The following CATSPERT variants were observed in gnomAD, a reference collection of about 807,000 sequenced individuals.
CATSPERT encodes the protein catsper channel auxiliary subunit tau.
chr2:201,618,565 G>A, the CATSPERT span, among the ~76,000 whole-genome samples: 4 of 137,612 alleles, frequency 2.9e-5, no homozygotes, highest in Non-Finnish European at 6.3e-5. Flanking sequence ...GTCGTGGGTT[G>A]GGGGGAGGGA....
chr2:201,497,242 T>C, the CATSPERT span, among the ~76,000 whole-genome samples: 1 of 152,232 alleles, frequency 6.6e-6, no homozygotes, highest in Non-Finnish European at 1.5e-5. Context: ...ACCAACTCTA[T>C]ATTGTCTCTG....
chr2:201,487,509 T>C, the CATSPERT span: 1 of 1,114,710 alleles, frequency 9.0e-7, no homozygotes, highest in African/African-American at 1.6e-5. Flanking sequence ...AGAAGAGATC[T>C]CCAAACCATT....
At chr2:201,618,902 TCAG>T in the CATSPERT span, 2 of 1,613,520 alleles carry the variant, frequency 1.2e-6, no homozygotes, top group Non-Finnish European at 1.7e-6. Flanking sequence ...TCACTCACGT[TCAG>T]CAGCCGGTGC....
At chr2:201,609,833 C>A in the CATSPERT span, among the ~76,000 whole-genome samples, 16 of 152,026 alleles carry the variant, frequency 1.1e-4, no homozygotes, top group South Asian at 2.9e-3. Flanking sequence ...AAAGAAATAA[C>A]AAAGATCAGA....
the CATSPERT span, among the ~76,000 whole-genome samples, chr2:201,609,630 T>C: frequency 6.6e-6 from 1 of 152,292 alleles, no homozygotes; most frequent in African/African-American, 2.4e-5. Flanking sequence ...ATTAAAAAAT[T>C]TCTTGAAACT....
chr2:201,577,106 T>A, the CATSPERT span, among the ~76,000 whole-genome samples: 3 of 152,214 alleles, frequency 2.0e-5, no homozygotes, highest in Admixed American at 2.0e-4. Flanking sequence ...CTTTGTTTCA[T>A]GCACAAAATT....
the CATSPERT span, among the ~76,000 whole-genome samples, chr2:201,581,587 T>C: frequency 0.22 from 15,977 of 74,010 alleles, 4,221 homozygotes; most frequent in East Asian, 0.59. Flanking sequence ...TATATATATA[T>C]ATATATACAC....
the CATSPERT span, among the ~76,000 whole-genome samples, chr2:201,529,863 G>A: frequency 9.9e-5 from 15 of 152,070 alleles, no homozygotes; most frequent in African/African-American, 3.6e-4. Flanking sequence ...CAGCTGATAA[G>A]GGGCTAATAT....
chr2:201,514,975 G>A, the CATSPERT span, among the ~76,000 whole-genome samples: 2 of 151,970 alleles, frequency 1.3e-5, no homozygotes, highest in Non-Finnish European at 2.9e-5. Flanking sequence ...CCAAAATGAT[G>A]CTAGGACCAG....
the CATSPERT span, among the ~76,000 whole-genome samples, chr2:201,563,240 G>T: frequency 2.2e-5 from 3 of 137,744 alleles, no homozygotes; most frequent in South Asian, 2.3e-4. Context: ...GGGCAGAGGG[G>T]CTCCTCACTT....
At chr2:201,597,996 T>A in the CATSPERT span, among the ~76,000 whole-genome samples, 7 of 152,258 alleles carry the variant, frequency 4.6e-5, no homozygotes, top group African/African-American at 1.7e-4. Context: ...ATCCTAATTA[T>A]ATACTATATA....
At chr2:201,578,628 T>C in the CATSPERT span, among the ~76,000 whole-genome samples, 1 of 152,136 alleles carries the variant, frequency 6.6e-6, no homozygotes, top group Non-Finnish European at 1.5e-5. Context: ...CTCTGAACAA[T>C]GAAATGTTAT....
the CATSPERT span, among the ~76,000 whole-genome samples, chr2:201,583,769 A>G: frequency 2.0e-5 from 3 of 152,250 alleles, no homozygotes; most frequent in Admixed American, 6.5e-5. Flanking sequence ...ATGGAAACAA[A>G]GCGCCACAAA....
chr2:201,512,839 G>T, the CATSPERT span, among the ~76,000 whole-genome samples: 1 of 147,106 alleles, frequency 6.8e-6, no homozygotes, highest in South Asian at 2.2e-4. Flanking sequence ...TGCATGTATA[G>T]TTTTTTTAAA....
chr2:201,571,975 G>A, the CATSPERT span: 1 of 1,613,404 alleles, frequency 6.2e-7, no homozygotes, highest in Non-Finnish European at 8.5e-7. Flanking sequence ...GGTGGTGCAA[G>A]ATTCATAAAC....
chr2:201,492,844 T>A, the CATSPERT span: 1 of 1,536,640 alleles, frequency 6.5e-7, no homozygotes, highest in Non-Finnish European at 8.7e-7. Flanking sequence ...ATGTCCTGAT[T>A]CTGAAAGTCT....
the CATSPERT span, among the ~76,000 whole-genome samples, chr2:201,606,735 C>T: frequency 1.2e-4 from 18 of 152,102 alleles, no homozygotes; most frequent in Non-Finnish European, 2.5e-4. Context: ...CCCACCTCTA[C>T]TAAAAATACA....
chr2:201,526,761 A>G, the CATSPERT span, among the ~76,000 whole-genome samples: 1 of 152,218 alleles, frequency 6.6e-6, no homozygotes, highest in Non-Finnish European at 1.5e-5. Context: ...AGAGGAACAT[A>G]TCTCAAAATA....
At chr2:201,492,425 G>A in the CATSPERT span, 4 of 1,532,992 alleles carry the variant, frequency 2.6e-6, no homozygotes, top group Non-Finnish European at 3.5e-6. Context: ...AAAGCTATCA[G>A]ATAGTTTTGT....
Sources: gnomAD v4.1 joint callset for allele counts (sites outside exome capture counted in the v4.1 genomes callset) on GRCh38, gnomAD v4.1.1 for gene constraint, MANE v1.5 for transcripts, NCBI Gene and HGNC (gene_info 2026-07-23, HGNC 2026-07-21) for gene names.